INTS6: variants seen among roughly 807,000 people sequenced by gnomAD.
INTS6 encodes integrator complex subunit 6.
Under a neutral mutation model 104.9 loss-of-function variants are expected in INTS6, and 16 were observed. The ratio of observed to expected loss-of-function variants is 0.15; its 90% CI spans 0.10 to 0.23. The LOEUF (loss-of-function observed/expected upper bound fraction) is 0.23. Ranked by LOEUF, INTS6 falls within the 10% of genes least tolerant of loss-of-function variation. The probability of loss-of-function intolerance (pLI) is 1.00; values close to 1 mark genes in which losing one functional copy is unlikely to be tolerated. For synonymous variants in INTS6, 324 were observed against 358.7 expected, an observed-to-expected ratio of 0.90 and a Z score of 1.09; for missense variants, 584 against 1,062.8, an observed-to-expected ratio of 0.55 and a Z score of 6.26.
Position 51,387,401 on chromosome 13 carries a change from T to G in INTS6, c.879A>C (p.Gln293His). The change falls in exon 7 of 18, where the codon CAA becomes CAC. Residue 293 changes from glutamine (Q) to histidine (H), a missense_variant. Around this residue, in one of 5 missense-constraint regions of INTS6, gnomAD observed 144 missense variants for 348.7 expected, o/e 0.41. Transcript: ENST00000311234. ...WPVPESFWPD[Q>H]NSPTLPPRTS... ...TGGTACTTACTAGTGTTGGCGAATT[T>G]TGATCTGGCCAAAAAGACTCTGGAA... 1 of 1,611,534 alleles carries G rather than the reference T, an allele frequency of 6.2e-7. No homozygotes were observed. The highest frequency in any genetic ancestry group is 8.5e-7 in the Non-Finnish European group (1 of 1,178,642).
intron 3 of INTS6, chr13:51,450,699 A>ATG: frequency 9.9e-7 from 1 of 1,007,890 alleles, no homozygotes; most frequent in African/African-American, 1.7e-5. Flanking sequence ...TAATAGTTGC[A>ATG]CATACAACAT....
chr13:51,405,524 T>TC (rs1309635688), intron 4 of INTS6, among the ~76,000 whole-genome samples: 7 of 152,198 alleles, frequency 4.6e-5, no homozygotes, highest in Non-Finnish European at 8.8e-5. Context: ...AATTTTTTTT[T>TC]CATAAACAAC....
intron 4 of INTS6, among the ~76,000 whole-genome samples, chr13:51,408,092 A>G (rs1405968889): frequency 6.6e-6 from 1 of 151,936 alleles, no homozygotes; most frequent in Non-Finnish European, 1.5e-5. Flanking sequence ...TAATAGCCCA[A>G]ATTATTCAGA....
At chr13:51,389,242 T>C in intron 6 of INTS6, 77 bp downstream of exon 6, 1 of 1,509,966 alleles carries the variant, frequency 6.6e-7, no homozygotes, top group Non-Finnish European at 8.9e-7. Flanking sequence ...TAAGGCCAAA[T>C]CACAGTAAGT....
At chr13:51,450,131 A>G (rs1593786234) in intron 3 of INTS6, 2 of 985,148 alleles carry the variant, frequency 2.0e-6, no homozygotes, top group African/African-American at 1.7e-5. Context: ...AAAATACAAC[A>G]TATACCCAAT....
In INTS6 at chr13:51,414,735, A is replaced by G. The variant is rs538266647; in HGVS notation, c.429+15559T>C. The stretch of plus-strand genomic sequence containing the variant: ...TACAGCCGCAGGTCCTATTCATAAC[A>G]TAACAGACAATAACAAGAAAATATG... On this transcript the variant is annotated intron_variant, in intron 4 of 17. Transcript: ENST00000311234. Among the ~76,000 whole-genome samples, 6 of 152,202 alleles carry G rather than the reference A, an allele frequency of 3.9e-5. No homozygotes were observed. The East Asian group carries it at 9.6e-4, about 24-fold the overall frequency.
chr13:51,362,008 G>C lies in INTS6; in HGVS notation c.*3744C>G. On this transcript the variant is annotated 3_prime_UTR_variant, in exon 18 of 18. Transcript: ENST00000311234. Reference sequence around the variant, plus strand: ...AAGCATTCTTTCTAGCTGTTTTTATGGTGCTTCAGAAGCTACCCAGTTGCT... The same window carrying C: ...AAGCATTCTTTCTAGCTGTTTTTATCGTGCTTCAGAAGCTACCCAGTTGCT... 6.2e-7 allele frequency: 1 copy of C among 1,608,438 alleles called. No individual in the cohort carries two copies. Among genetic ancestry groups the C allele is most frequent in the Non-Finnish European group, 8.5e-7 (1 of 1,177,370 alleles).
intron 4 of INTS6, among the ~76,000 whole-genome samples, chr13:51,396,399 C>T (rs1219954011): frequency 6.6e-6 from 1 of 152,076 alleles, no homozygotes; most frequent in Non-Finnish European, 1.5e-5. Context: ...TGTTTCTTCC[C>T]TTACACCTGC....
intron 16 of INTS6, among the ~76,000 whole-genome samples, chr13:51,368,579 T>C (rs1955738379): frequency 6.6e-6 from 1 of 152,200 alleles, no homozygotes; most frequent in Non-Finnish European, 1.5e-5. Context: ...TGGTAGGCAC[T>C]ATGACAAGAA....
chr13:51,411,966 G>T (rs1345214353), intron 4 of INTS6, among the ~76,000 whole-genome samples: 1 of 152,166 alleles, frequency 6.6e-6, no homozygotes, highest in Non-Finnish European at 1.5e-5. Flanking sequence ...AATGGAATAT[G>T]GCTCAGCAAT....
rs757872010 is a variant in INTS6 at position 51,378,306 on chromosome 13, A to G, written c.1535T>C (p.Val512Ala). The G allele has an allele frequency of 1.2e-6, 2 of 1,613,450 alleles. No homozygotes were observed. Among genetic ancestry groups the G allele is most frequent in the Middle Eastern group, 1.7e-4 (1 of 6,054 alleles). ...QQLLQGISED[V>A]PHRLLDLNMK... ...ATTAAGGTCTAGCAGTCTGTGAGGG[A>G]CATCCTCTGAAATTCCCTGGAGGAG... is the stretch of plus-strand genomic sequence containing the variant. The change falls in exon 12 of 18, where the codon GTC becomes GCC. Residue 512 changes from valine to alanine, a missense_variant. Physicochemically the swap from Val to Ala is moderately conservative, Grantham distance 64 (BLOSUM62 0). Around this residue, in one of 5 missense-constraint regions of INTS6, gnomAD observed 74 missense variants for 64.4 expected, o/e 1.15. Coordinates refer to ENST00000311234, the MANE Select transcript of INTS6 (RefSeq NM_012141.3).
chr13:51,445,105 C>T (rs955006366), intron 3 of INTS6: 1 of 152,118 alleles, frequency 6.6e-6, no homozygotes, highest in South Asian at 2.1e-4. Flanking sequence ...TCATCTAAAA[C>T]GCACTAGGGG....
At chr13:51,387,014 T>TA (rs1956151750) in intron 7 of INTS6, among the ~76,000 whole-genome samples, 1 of 152,146 alleles carries the variant, frequency 6.6e-6, no homozygotes, top group Non-Finnish European at 1.5e-5. Context: ...GACTAAGTCC[T>TA]AAAAAATTGC....
rs760821911 is a variant in INTS6 at position 51,383,759 on chromosome 13, G to A, written c.895-18C>T. ...CGAGGTGGCTAAAGGGGAAAGTCTT[G>A]TAATTACTACTTACATGAAATTTCA... On this transcript the variant is annotated intron_variant, in intron 7 of 17. Coordinates refer to ENST00000311234, the MANE Select transcript of INTS6 (RefSeq NM_012141.3). 6.4e-7 allele frequency: 1 copy of A among 1,571,488 alleles called. No individual in the cohort carries two copies. The highest frequency in any genetic ancestry group is 2.3e-5 in the East Asian group (1 of 44,078).
chr13:51,411,898 CA>C (rs1208743888), intron 4 of INTS6, among the ~76,000 whole-genome samples: 2 of 152,106 alleles, frequency 1.3e-5, no homozygotes, highest in East Asian at 3.8e-4. Context: ...TCATAATGGT[CA>C]AAAAACCCAA....
intron 4 of INTS6, among the ~76,000 whole-genome samples, chr13:51,405,760 A>G (rs944187761): frequency 3.3e-5 from 5 of 152,226 alleles, no homozygotes; most frequent in Non-Finnish European, 5.9e-5. Context: ...GGTCCCCCAG[A>G]AAACTGGCAG....
At chr13:51,349,527 C>T (rs1955385024), downstream of INTS6, among the ~76,000 whole-genome samples, 1 of 152,170 alleles carries the variant, frequency 6.6e-6, no homozygotes, top group African/African-American at 2.4e-5. Flanking sequence ...GGAAGAGCAG[C>T]GTTCCGTGTC....
At chr13:51,450,259 A>G (rs1953008062) in intron 3 of INTS6, 1 of 984,520 alleles carries the variant, frequency 1.0e-6, no homozygotes, top group Admixed American at 6.2e-5. Flanking sequence ...CCAGGGCAAT[A>G]ATATCATAAA....
intron 17 of INTS6, 135 bp from the exon 18 acceptor site, chr13:51,365,980 C>A: frequency 2.0e-6 from 1 of 510,094 alleles, no homozygotes; most frequent in Non-Finnish European, 3.5e-6. Context: ...ATCAATACTA[C>A]GACAATATAA....
Sources: allele counts gnomAD v4.1 joint callset (sites outside exome capture counted in the v4.1 genomes callset), GRCh38; gene constraint gnomAD v4.1.1; regional missense constraint gnomAD v4.1.1; transcripts MANE v1.5; gene names NCBI Gene and HGNC (gene_info 2026-07-23, HGNC 2026-07-21).